The following FAM120A variants were observed in gnomAD, a reference collection of about 807,000 sequenced individuals.
FAM120A encodes the protein family with sequence similarity 120 member A, also known as constitutive coactivator of PPAR-gamma-like protein 1.
In FAM120A, 15 loss-of-function variants were observed where a neutral mutation model predicts 109.7. The ratio of observed to expected loss-of-function variants is 0.14; its 90% CI spans 0.09 to 0.21. The LOEUF (loss-of-function observed/expected upper bound fraction) is 0.21, where lower values mean the gene tolerates loss of function less well. Ranked by LOEUF, FAM120A falls within the 10% of genes least tolerant of loss-of-function variation. The probability of loss-of-function intolerance (pLI) is 1.00; values close to 1 mark genes in which losing one functional copy is unlikely to be tolerated. For missense variants in FAM120A, 899 were observed against 1,439.3 expected, an observed-to-expected ratio of 0.62 and a Z score of 6.07; for synonymous variants, 493 against 572.8, an observed-to-expected ratio of 0.86 and a Z score of 1.99.
chr9:93,458,550 C>G (rs1178954351), intron 1 of FAM120A, among the ~76,000 whole-genome samples: 1 of 152,116 alleles, frequency 6.6e-6, no homozygotes, highest in Non-Finnish European at 1.5e-5. Context: ...GTACCCCCAA[C>G]ATTTGAATTC....
At chr9:93,547,860 A>G (rs1442303959) in intron 11 of FAM120A, among the ~76,000 whole-genome samples, 2 of 152,222 alleles carry the variant, frequency 1.3e-5, no homozygotes, top group African/African-American at 2.4e-5. Flanking sequence ...TAATCTATGT[A>G]TGTATGTATG....
At chr9:93,463,452 C>T (rs1214854714) in intron 1 of FAM120A, among the ~76,000 whole-genome samples, 2 of 152,158 alleles carry the variant, frequency 1.3e-5, no homozygotes, top group Non-Finnish European at 2.9e-5. Flanking sequence ...GGCATTGCTG[C>T]TATGTGTCAT....
intron 5 of FAM120A, among the ~76,000 whole-genome samples, chr9:93,510,172 T>C (rs1448598727): frequency 1.3e-5 from 2 of 152,238 alleles, no homozygotes; most frequent in African/African-American, 4.8e-5. Context: ...CTGCTGGTGC[T>C]GGGGGCTTTG....
intron 10 of FAM120A, among the ~76,000 whole-genome samples, chr9:93,539,881 T>G (rs575991122): frequency 6.6e-6 from 1 of 152,336 alleles, no homozygotes; most frequent in East Asian, 1.9e-4. Context: ...AGCCAAGCAT[T>G]TTTCTTTCCT....
At chr9:93,510,897 G>A (rs1204771727) in intron 5 of FAM120A, among the ~76,000 whole-genome samples, 1 of 151,098 alleles carries the variant, frequency 6.6e-6, no homozygotes, top group Non-Finnish European at 1.5e-5. Flanking sequence ...GGGTAGATTC[G>A]AATGATGCCG....
chr9:93,527,103 C>G, intron 7 of FAM120A, 52 bp from the exon 8 acceptor site: 1 of 1,486,144 alleles, frequency 6.7e-7, no homozygotes, highest in South Asian at 1.1e-5. Flanking sequence ...TTATCATTGT[C>G]AGCTGGTTTG....
chr9:93,488,589 T>C (rs984776202), intron 3 of FAM120A, among the ~76,000 whole-genome samples: 1 of 152,132 alleles, frequency 6.6e-6, no homozygotes, highest in Non-Finnish European at 1.5e-5. Context: ...CAGTCCTCTC[T>C]ACTTGGATGT....
intron 7 of FAM120A, among the ~76,000 whole-genome samples, chr9:93,519,167 C>T (rs936716342): frequency 1.3e-5 from 2 of 152,136 alleles, no homozygotes; most frequent in African/African-American, 4.8e-5. Context: ...GACCATTCAG[C>T]TGGTGGAAAC....
At chr9:93,533,570 T>TG (rs1861409588) in intron 10 of FAM120A, among the ~76,000 whole-genome samples, 1 of 152,238 alleles carries the variant, frequency 6.6e-6, no homozygotes, top group Non-Finnish European at 1.5e-5. Flanking sequence ...TCAATGTACC[T>TG]GTTTTCATTC....
chr9:93,474,525 C>T (rs948896986), intron 2 of FAM120A, among the ~76,000 whole-genome samples: 1 of 152,178 alleles, frequency 6.6e-6, no homozygotes, highest in African/African-American at 2.4e-5. Flanking sequence ...GGGACTGTTA[C>T]TAATGTTGGA....
intron 1 of FAM120A, among the ~76,000 whole-genome samples, chr9:93,465,332 T>C (rs990833127): frequency 6.6e-6 from 1 of 152,248 alleles, no homozygotes; most frequent in African/African-American, 2.4e-5. Context: ...ATATTCTTAG[T>C]AGTTTGACTG....
chr9:93,466,285 T>A (rs1335346414), intron 1 of FAM120A, among the ~76,000 whole-genome samples: 1 of 152,126 alleles, frequency 6.6e-6, no homozygotes, highest in African/African-American at 2.4e-5. Flanking sequence ...ATTTAATCAT[T>A]TATTTATATC....
intron 5 of FAM120A, among the ~76,000 whole-genome samples, chr9:93,510,703 C>T (rs148564249): frequency 4.0e-4 from 55 of 136,952 alleles, no homozygotes; most frequent in African/African-American, 1.3e-3. Context: ...GTCTGAACTG[C>T]CTCAGCCCCC....
chr9:93,546,721 G>A (rs1212673225), intron 11 of FAM120A, among the ~76,000 whole-genome samples: 2 of 152,214 alleles, frequency 1.3e-5, no homozygotes, highest in East Asian at 1.9e-4. Context: ...GATGGCTGTC[G>A]GCAAGACAGA....
intron 3 of FAM120A, among the ~76,000 whole-genome samples, chr9:93,485,671 T>G (rs899751933): frequency 6.6e-6 from 1 of 152,110 alleles, no homozygotes; most frequent in African/African-American, 2.4e-5. Flanking sequence ...GTTTCTTATA[T>G]CTCTTGCTCA....
chr9:93,464,418 T>C (rs1857923031), intron 1 of FAM120A, among the ~76,000 whole-genome samples: 2 of 152,322 alleles, frequency 1.3e-5, no homozygotes, highest in Middle Eastern at 6.8e-3. Flanking sequence ...TTGCCACTTC[T>C]TAAACTTGTC....
chr9:93,505,186 G>A (rs1228347159), intron 5 of FAM120A, among the ~76,000 whole-genome samples: 7 of 147,384 alleles, frequency 4.7e-5, no homozygotes, highest in East Asian at 2.1e-4. Context: ...TCAGCTTCCC[G>A]AGTAGCTGGG....
chr9:93,506,365 C>G (rs755817778), intron 5 of FAM120A, among the ~76,000 whole-genome samples: 1 of 152,126 alleles, frequency 6.6e-6, no homozygotes, highest in Non-Finnish European at 1.5e-5. Flanking sequence ...TTCATAACAT[C>G]TTTTCTTAGA....
chr9:93,457,037 T>G (rs564120026), intron 1 of FAM120A, among the ~76,000 whole-genome samples: 1 of 152,358 alleles, frequency 6.6e-6, no homozygotes, highest in Non-Finnish European at 1.5e-5. Flanking sequence ...GTCTTCAAGC[T>G]TCTTTCATGT....
Sources: allele counts gnomAD v4.1 joint callset (sites outside exome capture counted in the v4.1 genomes callset), GRCh38; gene constraint gnomAD v4.1.1; transcripts MANE v1.5; gene names NCBI Gene and HGNC (gene_info 2026-07-23, HGNC 2026-07-21).